TRIM5: variants seen among roughly 807,000 people sequenced by gnomAD.
TRIM5 encodes the protein tripartite motif-containing protein 5.
A neutral mutation model predicts 35.6 loss-of-function variants in TRIM5; 31 were observed. That is an observed-to-expected ratio of 0.87 (90% CI 0.65 to 1.18). The LOEUF (loss-of-function observed/expected upper bound fraction) is 1.18, where lower values mean the gene tolerates loss of function less well. Ranked by LOEUF, TRIM5 falls within the 50% of genes most tolerant of loss-of-function variation. TRIM5 has a pLI of 0.00. For synonymous variants in TRIM5, 243 were observed against 215.6 expected, an observed-to-expected ratio of 1.13 and a Z score of -1.11; for missense variants, 609 against 591.6, an observed-to-expected ratio of 1.03 and a Z score of -0.31.
chr11:5,592,036 G>T, the TRIM5 span, among the ~76,000 whole-genome samples: 3 of 152,180 alleles, frequency 2.0e-5, no homozygotes, highest in Non-Finnish European at 2.9e-5. Flanking sequence ...CCCAAAAGAG[G>T]TCTGATCTAT....
rs779531394 is a variant in TRIM5 at position 5,679,772 on chromosome 11, G to A, written c.406C>T (p.Arg136Trp). 6.3e-6 allele frequency: 10 copies of A among 1,589,264 alleles called. No homozygotes were observed. In the East Asian group the frequency reaches 6.7e-5, roughly 11 times the overall value. The part of the protein sequence containing the change: ...HHTFLTEEVA[R>W]EYQVKLQAAL... ...TCCCAGTCTCTTACTTGGTACTCCCGGGCAACCTCCTCTGTGAGGAACGTG... is the reference window on the plus strand; with the variant it reads ...TCCCAGTCTCTTACTTGGTACTCCCAGGCAACCTCCTCTGTGAGGAACGTG... Residue 136 changes from arginine (R) to tryptophan (W), a missense_variant, in exon 2 of 8, where the codon CGG (arginine) becomes TGG (tryptophan). Arg to Trp is a moderately radical substitution (Grantham distance 101). Coordinates refer to ENST00000380034, the MANE Select transcript of TRIM5 (RefSeq NM_033034.3).
chr11:5,645,173 C>T, the TRIM5 span, among the ~76,000 whole-genome samples: 2,253 of 152,192 alleles, frequency 0.015, 29 homozygotes, highest in Middle Eastern at 0.041. Flanking sequence ...GAGAGGATCA[C>T]GTGAGGTCAG....
the TRIM5 span, among the ~76,000 whole-genome samples, chr11:5,624,513 G>A: frequency 1.3e-5 from 2 of 152,184 alleles, no homozygotes; most frequent in Admixed American, 6.5e-5. Flanking sequence ...AAACTGATTC[G>A]AGGGACCATG....
chr11:5,634,418 T>A, the TRIM5 span, among the ~76,000 whole-genome samples: 1 of 150,984 alleles, frequency 6.6e-6, no homozygotes, highest in Non-Finnish European at 1.5e-5. Flanking sequence ...TTCTACTCCC[T>A]TGCTGATTTG....
At chr11:5,667,201 T>G (rs1193721611) in intron 5 of TRIM5, among the ~76,000 whole-genome samples, 2 of 152,088 alleles carry the variant, frequency 1.3e-5, no homozygotes, top group Non-Finnish European at 2.9e-5. Flanking sequence ...TTTTTTAATT[T>G]TATTTAATTT....
the TRIM5 span, among the ~76,000 whole-genome samples, chr11:5,623,036 G>A: frequency 4.6e-5 from 7 of 151,692 alleles, no homozygotes; most frequent in Non-Finnish European, 7.4e-5. Context: ...AAGCAATAGG[G>A]CAAAGGAAGT....
At chr11:5,643,127 T>TATATA in the TRIM5 span, 18,066 of 516,124 alleles carry the variant, frequency 0.035, 253 homozygotes, top group Admixed American at 0.05. Context: ...ATATATATAT[T>TATATA]TTTTTTTTTC....
the TRIM5 span, among the ~76,000 whole-genome samples, chr11:5,631,141 C>T: frequency 2.6e-5 from 4 of 152,174 alleles, no homozygotes; most frequent in Non-Finnish European, 4.4e-5. Context: ...CACCCCTCCC[C>T]CAACGAATAC....
chr11:5,634,518 CACACACACACACATAT>C, the TRIM5 span: 1 of 601,336 alleles, frequency 1.7e-6, no homozygotes, highest in South Asian at 3.9e-5. Flanking sequence ...CACACACACA[CACACACACACACATAT>C]ATATATATAT....
At chr11:5,666,757 G>A (rs181152549) in intron 5 of TRIM5, among the ~76,000 whole-genome samples, 5 of 152,332 alleles carry the variant, frequency 3.3e-5, no homozygotes, top group Admixed American at 2.6e-4. Context: ...CGAGGTGTGC[G>A]ATTTTAGACA....
At chr11:5,622,212 G>C in the TRIM5 span, among the ~76,000 whole-genome samples, 2 of 152,164 alleles carry the variant, frequency 1.3e-5, no homozygotes, top group South Asian at 4.1e-4. Flanking sequence ...TCGGGAGGCC[G>C]AGGCAAGCAG....
chr11:5,667,481 G>C (rs1254986180), intron 5 of TRIM5, among the ~76,000 whole-genome samples: 1 of 152,110 alleles, frequency 6.6e-6, no homozygotes, highest in Non-Finnish European at 1.5e-5. Context: ...TTATAGGCTT[G>C]AGCCACCACA....
At chr11:5,606,548 G>A in the TRIM5 span, among the ~76,000 whole-genome samples, 1 of 152,026 alleles carries the variant, frequency 6.6e-6, no homozygotes, top group Admixed American at 6.6e-5. Context: ...CTTAGTATTA[G>A]AGCCATGGGT....
chr11:5,671,388 A>G (rs1454796539), intron 4 of TRIM5, among the ~76,000 whole-genome samples: 2 of 152,044 alleles, frequency 1.3e-5, no homozygotes. Flanking sequence ...TAGAAGATAA[A>G]GACTTCAAAG....
At chr11:5,675,169 C>T (rs547949654) in intron 4 of TRIM5, among the ~76,000 whole-genome samples, 10 of 151,940 alleles carry the variant, frequency 6.6e-5, no homozygotes, top group African/African-American at 2.4e-4. Context: ...GCTGGGATTA[C>T]AGGTGCCCGC....
intron 1 of TRIM5, among the ~76,000 whole-genome samples, chr11:5,684,429 A>G (rs1477271030): frequency 6.6e-6 from 1 of 152,182 alleles, no homozygotes; most frequent in Non-Finnish European, 1.5e-5. Context: ...TACAGTGACA[A>G]TGACAGGACT....
the TRIM5 span, among the ~76,000 whole-genome samples, chr11:5,624,378 A>G: frequency 6.6e-6 from 1 of 152,190 alleles, no homozygotes; most frequent in Admixed American, 6.5e-5. Flanking sequence ...GGTCCTTTGT[A>G]GCCAACTTTT....
the TRIM5 span, among the ~76,000 whole-genome samples, chr11:5,619,366 T>C: frequency 6.6e-6 from 1 of 152,260 alleles, no homozygotes; most frequent in Admixed American, 6.5e-5. Context: ...TTGTCTTATT[T>C]GGAGAAAGCA....
At chr11:5,678,071 C>T (rs1338783520) in intron 4 of TRIM5, 133 bp downstream of exon 4, 8 of 689,860 alleles carry the variant, frequency 1.2e-5, no homozygotes, top group Non-Finnish European at 9.1e-6. Flanking sequence ...ATTCTTATAA[C>T]TTCAGCAATT....
Sources: gnomAD v4.1 joint callset for allele counts (sites outside exome capture counted in the v4.1 genomes callset) on GRCh38, gnomAD v4.1.1 for gene constraint, MANE v1.5 for transcripts, NCBI Gene and HGNC (gene_info 2026-07-23, HGNC 2026-07-21) for gene names.